The following TRIM33 variants were observed in gnomAD, a reference collection of about 807,000 sequenced individuals.
TRIM33 encodes the protein tripartite motif containing 33.
TRIM33 carries 20 observed loss-of-function variants against 125.4 expected under a neutral mutation model. That is an observed-to-expected ratio of 0.16 (90% CI 0.11 to 0.23). The LOEUF is 0.23. Ranked by LOEUF, TRIM33 falls within the 10% of genes least tolerant of loss-of-function variation. TRIM33 has a pLI of 1.00. For missense variants in TRIM33, 920 were observed against 1,411.4 expected (o/e 0.65, Z 5.58); for synonymous variants, 564 against 513.9 (o/e 1.10, Z -1.32).
chr1:114,411,876 T>A (rs2101113391), intron 11 of TRIM33, among the ~76,000 whole-genome samples: 1 of 152,312 alleles, frequency 6.6e-6, no homozygotes, highest in South Asian at 2.1e-4. Context: ...CATTTATTCA[T>A]TAAAGCAATG....
Position 114,414,240 on chromosome 1 carries a change from C to G in TRIM33, c.2062-3924G>C, listed in dbSNP as rs567683548. Among the ~76,000 whole-genome samples, 14 of 152,084 alleles carry G rather than the reference C, an allele frequency of 9.2e-5. No individual in the cohort carries two copies. The South Asian group carries it at 2.5e-3, about 27-fold the overall frequency. On this transcript the variant is annotated intron_variant, in intron 11 of 19. Transcript: ENST00000358465. The stretch of plus-strand genomic sequence containing the variant: ...AATGGTTTTATATGGCTCATAAAAG[C>G]CTTTAAAAAGTAGGCAAATCTGATA...
In TRIM33 at chr1:114,501,047, G is replaced by C. The variant is rs149618438; in HGVS notation, c.526+9504C>G. The stretch of plus-strand genomic sequence containing the variant: ...CTACTAAAAATACAAAAAATTAGCC[G>C]GGCGTAGTGGCGGGCGCCTGTAGTC... On this transcript the variant is annotated intron_variant, in intron 1 of 19. Coordinates refer to ENST00000358465, the MANE Select transcript of TRIM33 (RefSeq NM_015906.4). Among the ~76,000 whole-genome samples the C allele has an allele frequency of 7.8e-3, 899 of 115,876 alleles. 245 individuals carry two copies. Among genetic ancestry groups the C allele is most frequent in the African/African-American group, 0.032 (847 of 26,554 alleles). 76.0% of individuals were successfully genotyped at this position (115,876 alleles called of 152,430 possible).
At chr1:114,434,079 T>TA (rs1648131352) in intron 4 of TRIM33, among the ~76,000 whole-genome samples, 1 of 152,194 alleles carries the variant, frequency 6.6e-6, no homozygotes, top group Admixed American at 6.5e-5. Flanking sequence ...GAAAATACTA[T>TA]AAAAGGAAGG....
Position 114,466,177 on chromosome 1 carries a change from C to T in TRIM33, c.527-1789G>A, listed in dbSNP as rs564770299. ...TATTTTCACATTTGGGAAAGCATGA[C>T]TTAAAAACCTCTTGAGAAAGTGTAT... On this transcript the variant is annotated intron_variant, in intron 1 of 19. Coordinates refer to ENST00000358465, the MANE Select transcript of TRIM33 (RefSeq NM_015906.4). Among the ~76,000 whole-genome samples, 21 of 152,186 alleles carry T rather than the reference C, an allele frequency of 1.4e-4. No individual in the cohort carries two copies. In the South Asian group the frequency reaches 3.9e-3, roughly 29 times the overall value.
intron 4 of TRIM33, among the ~76,000 whole-genome samples, chr1:114,442,972 C>T (rs1312722815): frequency 6.6e-6 from 1 of 151,974 alleles, no homozygotes. Context: ...AATATCTGCT[C>T]TCAAGTTTAT....
chr1:114,417,571 T>C (rs1653016751), intron 11 of TRIM33, among the ~76,000 whole-genome samples: 1 of 152,190 alleles, frequency 6.6e-6, no homozygotes, highest in African/African-American at 2.4e-5. Context: ...ACTGCCTCCC[T>C]GGTATTGTTA....
intron 4 of TRIM33, among the ~76,000 whole-genome samples, chr1:114,461,307 T>C (rs1178325431): frequency 6.8e-6 from 1 of 146,870 alleles, no homozygotes; most frequent in Admixed American, 6.8e-5. Context: ...TATTATATTT[T>C]ATATTTTATA....
At chr1:114,400,726 G>C (rs72693901) in intron 17 of TRIM33, among the ~76,000 whole-genome samples, 2 of 152,090 alleles carry the variant, frequency 1.3e-5, no homozygotes, top group African/African-American at 4.8e-5. Context: ...GGCCTGGTAT[G>C]TAATAATGTA....
chr1:114,504,164 TA>T (rs952412038), intron 1 of TRIM33, among the ~76,000 whole-genome samples: 2 of 151,450 alleles, frequency 1.3e-5, no homozygotes, highest in Admixed American at 1.3e-4. Context: ...TTTATTTTTT[TA>T]TTTTTTTTAT....
chr1:114,411,115 C>A (rs1557847598), intron 11 of TRIM33, among the ~76,000 whole-genome samples: 1 of 152,174 alleles, frequency 6.6e-6, no homozygotes, highest in Admixed American at 6.5e-5. Context: ...TCTTGACTCA[C>A]TGCAACCTCC....
At chr1:114,500,270 A>G (rs925292858) in intron 1 of TRIM33, among the ~76,000 whole-genome samples, 1 of 152,218 alleles carries the variant, frequency 6.6e-6, no homozygotes, top group Non-Finnish European at 1.5e-5. Context: ...AAACTGATTT[A>G]CATATTCAAA....
chr1:114,396,725 T>A lies in TRIM33; in HGVS notation c.*923A>T, dbSNP rs926336971. 4.8e-6 allele frequency: 1 copy of A among 207,016 alleles called. No homozygotes were observed. The highest frequency in any genetic ancestry group is 9.9e-6 in the Non-Finnish European group (1 of 101,170). 12.8% of individuals were successfully genotyped at this position (207,016 alleles called of 1,614,324 possible). The stretch of plus-strand genomic sequence containing the variant: ...TTTTACACATTTGGTAGTTGACAGA[T>A]ACTGTTTGCCAATAGTGGTCTATCA... On this transcript the variant is annotated 3_prime_UTR_variant, in exon 20 of 20. Transcript: ENST00000358465.
At chr1:114,415,680 G>C (rs540689965) in intron 11 of TRIM33, among the ~76,000 whole-genome samples, 2 of 152,292 alleles carry the variant, frequency 1.3e-5, no homozygotes, top group South Asian at 2.1e-4. Flanking sequence ...GCCAGGTGCA[G>C]TGGCTCACGC....
intron 4 of TRIM33, among the ~76,000 whole-genome samples, chr1:114,436,400 CAAAAAAAA>C (rs765728045): frequency 4.9e-5 from 2 of 40,856 alleles, no homozygotes; most frequent in African/African-American, 8.3e-5. Flanking sequence ...GACTCTGTCT[CAAAAAAAA>C]AAAAAAAAAA....
intron 1 of TRIM33, among the ~76,000 whole-genome samples, chr1:114,471,747 A>G (rs1237558082): frequency 1.3e-5 from 2 of 152,252 alleles, no homozygotes; most frequent in Non-Finnish European, 2.9e-5. Flanking sequence ...ACAACAATGA[A>G]GGACACAGTC....
At chr1:114,452,170 C>T (rs1324449126) in intron 4 of TRIM33, among the ~76,000 whole-genome samples, 1 of 152,078 alleles carries the variant, frequency 6.6e-6, no homozygotes, top group East Asian at 1.9e-4. Context: ...GAAATAAACT[C>T]AGCTAGAAAA....
At chr1:114,426,542 C>T (rs898597606) in intron 8 of TRIM33, among the ~76,000 whole-genome samples, 1 of 150,390 alleles carries the variant, frequency 6.6e-6, no homozygotes, top group African/African-American at 2.5e-5. Context: ...GGGCAACCAG[C>T]CTCTGCTTTT....
intron 11 of TRIM33, among the ~76,000 whole-genome samples, chr1:114,418,507 A>G (rs548996942): frequency 9.2e-5 from 14 of 152,298 alleles, no homozygotes; most frequent in African/African-American, 3.4e-4. Flanking sequence ...TATGGTTTAC[A>G]TAATAGCCCT....
chr1:114,454,503 T>G (rs369065676), intron 4 of TRIM33, among the ~76,000 whole-genome samples: 47 of 151,738 alleles, frequency 3.1e-4, no homozygotes, highest in Non-Finnish European at 1.3e-4. Context: ...CTGGGCAACA[T>G]AGGAAGTCTT....
Sources: allele counts gnomAD v4.1 joint callset (sites outside exome capture counted in the v4.1 genomes callset), GRCh38; gene constraint gnomAD v4.1.1; transcripts MANE v1.5; gene names NCBI Gene and HGNC (gene_info 2026-07-23, HGNC 2026-07-21).